Variants in ZFAND3 observed in about 807,000 individuals in gnomAD.
The protein encoded by ZFAND3 is zinc finger AN1-type containing 3, also known as AN1-type zinc finger protein 3.
ZFAND3 carries 10 observed loss-of-function variants against 29.6 expected under a neutral mutation model. That is an observed-to-expected ratio of 0.34 (90% CI 0.21 to 0.57). The LOEUF (loss-of-function observed/expected upper bound fraction) is 0.57, where lower values mean the gene tolerates loss of function less well. Ranked by LOEUF, ZFAND3 falls within the 20% of genes least tolerant of loss-of-function variation. The probability of loss-of-function intolerance (pLI) is 0.86; values close to 1 mark genes in which losing one functional copy is unlikely to be tolerated. For synonymous variants in ZFAND3, 128 were observed against 112.6 expected (o/e 1.14, Z -0.87); for missense variants, 230 against 304.5 (o/e 0.76, Z 1.82).
chr6:38,064,314 A>G (rs143047016), intron 3 of ZFAND3, among the ~76,000 whole-genome samples: 45 of 152,352 alleles, frequency 3.0e-4, no homozygotes, highest in Admixed American at 1.3e-3. Context: ...CACTTTGTAT[A>G]TGAGACATTA....
At chr6:37,889,824 T>G (rs2127395776) in intron 1 of ZFAND3, among the ~76,000 whole-genome samples, 1 of 152,336 alleles carries the variant, frequency 6.6e-6, no homozygotes, top group East Asian at 1.9e-4. Context: ...GTGTAATGTA[T>G]ATTATTAGGA....
At chr6:37,856,312 A>G (rs1038225709) in intron 1 of ZFAND3, among the ~76,000 whole-genome samples, 2 of 152,126 alleles carry the variant, frequency 1.3e-5, no homozygotes, top group South Asian at 2.1e-4. Context: ...TTTCTTCTCT[A>G]GTCTTACTTC....
chr6:37,934,628 GGAGTTC>G (rs2127414545), intron 2 of ZFAND3, among the ~76,000 whole-genome samples: 1 of 151,358 alleles, frequency 6.6e-6, no homozygotes, highest in East Asian at 1.9e-4. Context: ...TTTGAGGTCA[GGAGTTC>G]GAGACTAGCC....
chr6:37,937,386 G>A (rs1369282516), intron 2 of ZFAND3, among the ~76,000 whole-genome samples: 1 of 152,182 alleles, frequency 6.6e-6, no homozygotes, highest in Admixed American at 6.5e-5. Context: ...GCCAGGCACA[G>A]TGGCTCATGC....
intron 2 of ZFAND3, among the ~76,000 whole-genome samples, chr6:37,939,338 G>A (rs1366309055): frequency 6.6e-6 from 1 of 152,102 alleles, no homozygotes; most frequent in Non-Finnish European, 1.5e-5. Context: ...TATCATTCTA[G>A]TCTCTGCTTC....
At chr6:38,061,520 C>T (rs1262079232) in intron 2 of ZFAND3, 73 bp from the exon 3 acceptor site, 17 of 1,556,414 alleles carry the variant, frequency 1.1e-5, no homozygotes, top group Non-Finnish European at 1.4e-5. Flanking sequence ...AATTTTTGTA[C>T]CAACTTCCAT....
At chr6:37,937,950 C>T (rs1445600512) in intron 2 of ZFAND3, among the ~76,000 whole-genome samples, 1 of 152,096 alleles carries the variant, frequency 6.6e-6, no homozygotes, top group Non-Finnish European at 1.5e-5. Flanking sequence ...TCCACAAACC[C>T]ACCCAGAAGT....
At chr6:38,018,610 C>T (rs929455880) in intron 2 of ZFAND3, among the ~76,000 whole-genome samples, 6 of 152,266 alleles carry the variant, frequency 3.9e-5, no homozygotes, top group Middle Eastern at 3.4e-3. Context: ...GAGGTCATTT[C>T]GTATCGGTAC....
intron 4 of ZFAND3, among the ~76,000 whole-genome samples, chr6:38,106,090 T>C (rs73421817): frequency 0.068 from 10,381 of 152,170 alleles, 418 homozygotes; most frequent in Non-Finnish European, 0.087. Context: ...ATGTTCTATT[T>C]AGTGGATGGT....
chr6:38,049,103 C>T (rs1016064404), intron 2 of ZFAND3, among the ~76,000 whole-genome samples: 1 of 152,152 alleles, frequency 6.6e-6, no homozygotes, highest in Non-Finnish European at 1.5e-5. Context: ...TGTTAGGCCA[C>T]CTAACTTCAC....
At chr6:38,106,874 A>G (rs957626494) in intron 4 of ZFAND3, among the ~76,000 whole-genome samples, 2 of 152,238 alleles carry the variant, frequency 1.3e-5, no homozygotes, top group African/African-American at 2.4e-5. Context: ...CAGAGTAGAC[A>G]TTAATCGAGA....
chr6:37,838,381 A>G (rs1245139329), intron 1 of ZFAND3, among the ~76,000 whole-genome samples: 4 of 152,298 alleles, frequency 2.6e-5, no homozygotes, highest in African/African-American at 7.2e-5. Flanking sequence ...TCTCTTCACA[A>G]AGTTATGCAA....
intron 2 of ZFAND3, among the ~76,000 whole-genome samples, chr6:38,014,550 C>T (rs891322684): frequency 6.6e-6 from 1 of 152,136 alleles, no homozygotes; most frequent in Non-Finnish European, 1.5e-5. Flanking sequence ...TGGTCTTGAA[C>T]TCCTGACCTC....
intron 2 of ZFAND3, among the ~76,000 whole-genome samples, chr6:38,045,395 A>G (rs1198938006): frequency 1.9e-4 from 29 of 152,060 alleles, no homozygotes; most frequent in Admixed American, 1.8e-3. Context: ...GGCCATTCCT[A>G]TGTCGAAATT....
At chr6:37,846,934 A>G (rs1764190524) in intron 1 of ZFAND3, among the ~76,000 whole-genome samples, 1 of 151,778 alleles carries the variant, frequency 6.6e-6, no homozygotes, top group Admixed American at 6.6e-5. Context: ...GATGGTCTTA[A>G]TTTCCTGACC....
At chr6:38,118,094 A>G (rs1765456253) in intron 5 of ZFAND3, among the ~76,000 whole-genome samples, 1 of 152,212 alleles carries the variant, frequency 6.6e-6, no homozygotes, top group African/African-American at 2.4e-5. Flanking sequence ...GGGAAACCGT[A>G]AAGAGGGTTA....
At chr6:38,152,121 G>A in intron 5 of ZFAND3, 114 bp from the exon 6 acceptor site, 2 of 1,024,234 alleles carry the variant, frequency 2.0e-6, no homozygotes, top group Non-Finnish European at 2.8e-6. Context: ...TGCAGTGAGT[G>A]TTGTCCACTC....
intron 2 of ZFAND3, among the ~76,000 whole-genome samples, chr6:37,952,221 T>C: frequency 6.6e-6 from 1 of 152,152 alleles, no homozygotes; most frequent in East Asian, 1.9e-4. Context: ...CCTCATAGAA[T>C]CTGTTAGGGA....
rs1446261790 is a variant in ZFAND3, at chr6:38,091,707, TG to T, written c.361+9251del. ...TTAAGGAGCCTTTTTTTTTTTTTTT[TG>T]CCCCACTCAGTTCCTGGCTCTACTA... is the stretch of plus-strand genomic sequence containing the variant. On this transcript the variant is annotated intron_variant, in intron 4 of 5. Coordinates refer to ENST00000287218, the MANE Select transcript of ZFAND3 (RefSeq NM_021943.3). Among the ~76,000 whole-genome samples, 58 of 150,004 alleles carry T rather than the reference TG, an allele frequency of 3.9e-4. 2 individuals carry two copies. The East Asian group carries it at 0.01, about 26-fold the overall frequency.
Sources: gnomAD v4.1 joint callset for allele counts (sites outside exome capture counted in the v4.1 genomes callset) on GRCh38, gnomAD v4.1.1 for gene constraint, MANE v1.5 for transcripts, NCBI Gene and HGNC (gene_info 2026-07-23, HGNC 2026-07-21) for gene names.